ELMO1: variants seen among roughly 807,000 people sequenced by gnomAD.
ELMO1 encodes engulfment and cell motility 1, also known as engulfment and cell motility protein 1.
In ELMO1, 26 loss-of-function variants were observed where a neutral mutation model predicts 98.9. That is an observed-to-expected ratio of 0.26 (90% CI 0.19 to 0.36). The LOEUF (loss-of-function observed/expected upper bound fraction) is 0.36, where lower values mean the gene tolerates loss of function less well. Ranked by LOEUF, ELMO1 falls within the 10% of genes least tolerant of loss-of-function variation. The pLI is 1.00. For synonymous variants in ELMO1, 346 were observed against 346.0 expected, an observed-to-expected ratio of 1.00 and a Z score of 0.00; for missense variants, 627 against 935.2, an observed-to-expected ratio of 0.67 and a Z score of 4.30.
At chr7:37,108,349 C>A (rs964011418) in intron 14 of ELMO1, among the ~76,000 whole-genome samples, 4 of 152,156 alleles carry the variant, frequency 2.6e-5, no homozygotes, top group Non-Finnish European at 4.4e-5. Context: ...GCCCCTCCCA[C>A]ACCTGTCTCA....
chr7:37,089,876 G>A (rs780045524), intron 15 of ELMO1, among the ~76,000 whole-genome samples: 1 of 152,154 alleles, frequency 6.6e-6, no homozygotes, highest in Admixed American at 6.5e-5. Context: ...ACTCAGGAGA[G>A]GTATGTTATA....
intron 16 of ELMO1, among the ~76,000 whole-genome samples, chr7:36,907,867 C>T (rs1379917276): frequency 6.6e-6 from 1 of 152,216 alleles, no homozygotes; most frequent in Non-Finnish European, 1.5e-5. Context: ...CACCAATCCG[C>T]TAAATTTGGC....
At chr7:37,440,683 C>A (rs1224945957) in intron 1 of ELMO1, among the ~76,000 whole-genome samples, 2 of 151,254 alleles carry the variant, frequency 1.3e-5, no homozygotes, top group East Asian at 1.9e-4. Context: ...GCAGGAGAAT[C>A]GCTTGAACTC....
intron 13 of ELMO1, chr7:37,197,359 C>G (rs1243679942): frequency 6.6e-6 from 1 of 152,218 alleles, no homozygotes; most frequent in African/African-American, 2.4e-5. Context: ...AATGCCATCC[C>G]CAGAATTAGA....
At chr7:37,011,287 A>G (rs1394138153) in intron 16 of ELMO1, among the ~76,000 whole-genome samples, 1 of 152,166 alleles carries the variant, frequency 6.6e-6, no homozygotes, top group Non-Finnish European at 1.5e-5. Flanking sequence ...ATCTGAGCAC[A>G]TGGCCATGAT....
chr7:37,414,707 A>C (rs1804140995), intron 1 of ELMO1, among the ~76,000 whole-genome samples: 1 of 152,192 alleles, frequency 6.6e-6, no homozygotes, highest in Non-Finnish European at 1.5e-5. Context: ...CAATGATATA[A>C]GCTTTTATTG....
intron 1 of ELMO1, among the ~76,000 whole-genome samples, chr7:37,399,161 T>C (rs1803419142): frequency 6.6e-6 from 1 of 152,050 alleles, no homozygotes; most frequent in East Asian, 1.9e-4. Context: ...CCCCCTGCTG[T>C]GATGTCATAG....
chr7:37,272,158 T>C (rs551368708), intron 4 of ELMO1, among the ~76,000 whole-genome samples: 1 of 152,360 alleles, frequency 6.6e-6, no homozygotes, highest in South Asian at 2.1e-4. Flanking sequence ...ACCTGACTCC[T>C]ACATTTCTAC....
intron 4 of ELMO1, among the ~76,000 whole-genome samples, chr7:37,281,034 T>C (rs1042653957): frequency 7.1e-6 from 1 of 141,040 alleles, no homozygotes; most frequent in South Asian, 2.2e-4. Flanking sequence ...TACACACACA[T>C]ATGATGGAAT....
chr7:37,198,445 A>T (rs1417667409), intron 13 of ELMO1, among the ~76,000 whole-genome samples: 1 of 152,174 alleles, frequency 6.6e-6, no homozygotes, highest in African/African-American at 2.4e-5. Flanking sequence ...ACATCAATTA[A>T]CTCATTAATG....
intron 16 of ELMO1, among the ~76,000 whole-genome samples, chr7:36,989,921 T>A (rs1386335835): frequency 1.3e-5 from 2 of 152,318 alleles, no homozygotes; most frequent in Middle Eastern, 3.4e-3. Context: ...AACTCATTTT[T>A]AAGACAAAAT....
rs116868031 is a variant in ELMO1 at position 36,913,451 on chromosome 7, A to G, written c.1438-18434T>C. ...TGCAGAATGTTTATATTTCTGTGAT[A>G]GCAAAAGTGAGTTGAGTTCTGCACA... On this transcript the variant is annotated intron_variant, in intron 16 of 21. Transcript: ENST00000310758. Among the ~76,000 whole-genome samples, 76 of 152,368 alleles carry G rather than the reference A, an allele frequency of 5.0e-4. No individual in the cohort carries two copies. The East Asian group carries it at 0.014, about 28-fold the overall frequency.
At chr7:36,956,106 T>C (rs775858936) in intron 16 of ELMO1, among the ~76,000 whole-genome samples, 21 of 152,224 alleles carry the variant, frequency 1.4e-4, no homozygotes, top group African/African-American at 4.8e-4. Flanking sequence ...CCTGTTCCCT[T>C]TCTGAGAGCC....
intron 14 of ELMO1, among the ~76,000 whole-genome samples, chr7:37,107,195 A>G (rs1563005409): frequency 6.6e-6 from 1 of 152,224 alleles, no homozygotes; most frequent in Non-Finnish European, 1.5e-5. Context: ...ATCTACTTGG[A>G]AGATACAAGG....
At chr7:37,059,247 C>T (rs765156406) in intron 15 of ELMO1, among the ~76,000 whole-genome samples, 21 of 152,196 alleles carry the variant, frequency 1.4e-4, no homozygotes, top group Non-Finnish European at 2.5e-4. Flanking sequence ...CAGACAGATG[C>T]TCTGTGGAAC....
intron 1 of ELMO1, among the ~76,000 whole-genome samples, chr7:37,420,883 A>G (rs1804444647): frequency 6.6e-6 from 1 of 152,188 alleles, no homozygotes; most frequent in Admixed American, 6.5e-5. Context: ...CTGTATCACA[A>G]CTGCCTTACT....
intron 20 of ELMO1, among the ~76,000 whole-genome samples, chr7:36,864,356 C>A (rs1027851185): frequency 4.6e-5 from 7 of 152,082 alleles, no homozygotes; most frequent in African/African-American, 1.7e-4. Context: ...TCAGAACTGT[C>A]ATGACCTAGA....
chr7:37,370,156 T>C lies in ELMO1; in HGVS notation c.-73-27393A>G, dbSNP rs548057973. ...AATTCCAAGTGAAGACCTGGAAGAC[T>C]GTTATCTGCATAATAAGACCTTTGT... is the stretch of plus-strand genomic sequence containing the variant. On this transcript the variant is annotated intron_variant, in intron 1 of 21. Transcript: ENST00000310758. Among the ~76,000 whole-genome samples, 8 of 152,230 alleles carry C rather than the reference T, an allele frequency of 5.3e-5. No homozygotes were observed. In the South Asian group the frequency reaches 6.2e-4, roughly 12 times the overall value.
intron 13 of ELMO1, among the ~76,000 whole-genome samples, chr7:37,138,696 A>T (rs1283752171): frequency 6.6e-6 from 1 of 152,230 alleles, no homozygotes. Flanking sequence ...AGATAGAGAG[A>T]GAGGGAATCC....
Sources: gnomAD v4.1 joint callset for allele counts (sites outside exome capture counted in the v4.1 genomes callset) on GRCh38, gnomAD v4.1.1 for gene constraint, MANE v1.5 for transcripts, NCBI Gene and HGNC (gene_info 2026-07-23, HGNC 2026-07-21) for gene names.